Variants in MPPED1 observed in about 807,000 individuals in gnomAD.
MPPED1 encodes the protein metallophosphoesterase domain-containing protein 1.
MPPED1 carries 16 observed loss-of-function variants against 36.2 expected under a neutral mutation model. That is an observed-to-expected ratio of 0.44 (90% CI 0.30 to 0.67). The LOEUF (loss-of-function observed/expected upper bound fraction) is 0.67. Ranked by LOEUF, MPPED1 falls within the 30% of genes least tolerant of loss-of-function variation. MPPED1 has a pLI of 0.10. For missense variants in MPPED1, 307 were observed against 453.4 expected (o/e 0.68, Z 2.93); for synonymous variants, 199 against 191.3 (o/e 1.04, Z -0.33).
chr22:43,436,407 C>T (rs1234005198), intron 3 of MPPED1, among the ~76,000 whole-genome samples: 2 of 152,166 alleles, frequency 1.3e-5, no homozygotes, highest in East Asian at 1.9e-4. Flanking sequence ...GCAGGGCAGC[C>T]GCGGTGAGCC....
chr22:43,500,064 A>G (rs1351879600), intron 5 of MPPED1, among the ~76,000 whole-genome samples: 16 of 39,858 alleles, frequency 4.0e-4, no homozygotes, highest in East Asian at 1.8e-3. Context: ...GGTGGTGGTG[A>G]TGGTGATGGA....
chr22:43,499,515 TGGTGGTGGTGATGGA>T (rs1427630586), intron 5 of MPPED1, among the ~76,000 whole-genome samples: 5 of 122,210 alleles, frequency 4.1e-5, no homozygotes, highest in Admixed American at 2.5e-4. Flanking sequence ...ATGGAGGTGA[TGGTGGTGGTGATGGA>T]GGTGGTGGTG....
intron 3 of MPPED1, among the ~76,000 whole-genome samples, chr22:43,439,663 G>A (rs887560863): frequency 2.0e-5 from 3 of 152,184 alleles, no homozygotes; most frequent in South Asian, 4.1e-4. Context: ...GTATTCCCAC[G>A]CAGTGCTTTG....
intron 3 of MPPED1, among the ~76,000 whole-genome samples, chr22:43,461,684 A>C (rs1288543298): frequency 6.6e-6 from 1 of 152,232 alleles, no homozygotes; most frequent in Non-Finnish European, 1.5e-5. Flanking sequence ...AATGTATGAC[A>C]GCACTCTTTT....
chr22:43,489,351 G>A (rs1932013376), intron 4 of MPPED1, among the ~76,000 whole-genome samples: 1 of 152,032 alleles, frequency 6.6e-6, no homozygotes, highest in Admixed American at 6.5e-5. Flanking sequence ...GCCTCTAGGA[G>A]TGAGATCACC....
At chr22:43,499,258 A>T (rs1371564971) in intron 5 of MPPED1, among the ~76,000 whole-genome samples, 3 of 126,028 alleles carry the variant, frequency 2.4e-5, no homozygotes, top group African/African-American at 9.2e-5. Context: ...GTGGTGATGG[A>T]GGTGGTGGTG....
chr22:43,500,969 G>A (rs528009936), intron 5 of MPPED1, among the ~76,000 whole-genome samples: 70 of 152,134 alleles, frequency 4.6e-4, no homozygotes, highest in Admixed American at 5.2e-4. Flanking sequence ...GGGGTGAGGC[G>A]CAGGACAGCT....
chr22:43,445,736 AATTTTTGTATTTTTTT>A (rs1162284758), intron 3 of MPPED1, among the ~76,000 whole-genome samples: 1 of 146,794 alleles, frequency 6.8e-6, no homozygotes, highest in African/African-American at 2.5e-5. Context: ...ATGCCTGGCT[AATTTTTGTATTTTTTT>A]AGAGATGGGG....
At chr22:43,417,390 G>A (rs1929110414) in intron 1 of MPPED1, among the ~76,000 whole-genome samples, 1 of 150,952 alleles carries the variant, frequency 6.6e-6, no homozygotes, top group Admixed American at 6.6e-5. Context: ...GGTGGGACGA[G>A]GTCTGATTTT....
chr22:43,423,752 A>G (rs11090163), intron 1 of MPPED1, among the ~76,000 whole-genome samples: 33,487 of 152,120 alleles, frequency 0.22, 5,080 homozygotes, highest in East Asian at 0.62. Flanking sequence ...TCTTCATTTA[A>G]TGTGATTGCG....
rs536806668 is a variant in MPPED1 at position 43,433,406 on chromosome 22, G to C, written c.225-1628G>C. On this transcript the variant is annotated intron_variant, in intron 2 of 6. Transcript: ENST00000443721. ...TGCGCTGAGCTCAGGGCTGGCACAC[G>C]GTAGTCATTCAGGATGTATTGTATT... Among the ~76,000 whole-genome samples the C allele has an allele frequency of 1.1e-4, 16 of 150,780 alleles. No individual in the cohort carries two copies. The East Asian group carries it at 3.2e-3, about 30-fold the overall frequency.
chr22:43,459,221 C>T (rs977915359), intron 3 of MPPED1, among the ~76,000 whole-genome samples: 2 of 152,104 alleles, frequency 1.3e-5, no homozygotes, highest in Admixed American at 6.6e-5. Context: ...ACTATAGGTG[C>T]ACCGTGCACA....
intron 3 of MPPED1, among the ~76,000 whole-genome samples, chr22:43,457,362 C>A (rs569605479): frequency 7.2e-4 from 110 of 152,178 alleles, no homozygotes; most frequent in Non-Finnish European, 1.5e-3. Flanking sequence ...GTTTGTATAT[C>A]TTTTTCATTC....
At position 43,417,231 on chromosome 22, in the gene MPPED1, C is replaced by G. The variant is rs1216792722; in HGVS notation, c.-79+5073C>G. 3.3e-5 allele frequency among the ~76,000 whole-genome samples: 5 copies of G among 152,146 alleles called. No individual in the cohort carries two copies. The East Asian group carries it at 9.6e-4, about 29-fold the overall frequency. On this transcript the variant is annotated intron_variant, in intron 1 of 6. Transcript: ENST00000443721. ...TGCAAGGAATAGGGGCTAATTTTCA[C>G]TTTATTTGTGGATTCCTTCATCTAC...
intron 6 of MPPED1, among the ~76,000 whole-genome samples, chr22:43,504,493 ATGG>A (rs1932774007): frequency 6.7e-6 from 1 of 150,008 alleles, no homozygotes; most frequent in African/African-American, 2.5e-5. Context: ...GTGATGAATG[ATGG>A]TGGTGGTGGT....
intron 3 of MPPED1, among the ~76,000 whole-genome samples, chr22:43,442,761 C>T (rs1930194504): frequency 3.3e-5 from 5 of 152,212 alleles, no homozygotes; most frequent in South Asian, 2.1e-4. Flanking sequence ...CCTCATGGAG[C>T]GTCCACCTCA....
In MPPED1 at chr22:43,507,760, A is replaced by G. The variant is rs971996305; in HGVS notation, c.*2144A>G. On this transcript the variant is annotated 3_prime_UTR_variant, in exon 7 of 7. Coordinates refer to ENST00000443721, the MANE Select transcript of MPPED1 (RefSeq NM_001044370.2). ...TATGAAGATGACGGCGTGCTTCTCA[A>G]TCATTTTGGCATAACTTGATTGTGG... 1 of 151,896 alleles carries G rather than the reference A, an allele frequency of 6.6e-6. No individual in the cohort carries two copies. Among genetic ancestry groups the G allele is most frequent in the African/African-American group, 2.4e-5 (1 of 41,368 alleles). 9.4% of individuals were successfully genotyped at this position (151,896 alleles called of 1,614,324 possible).
At chr22:43,494,498 C>T (rs2146908767) in intron 4 of MPPED1, among the ~76,000 whole-genome samples, 1 of 152,296 alleles carries the variant, frequency 6.6e-6, no homozygotes, top group Admixed American at 6.5e-5. Context: ...GGTGTCCTTC[C>T]CTCTGCCAGT....
intron 4 of MPPED1, among the ~76,000 whole-genome samples, chr22:43,480,826 C>CTTTTTT (rs538718282): frequency 2.2e-5 from 3 of 137,894 alleles, no homozygotes; most frequent in African/African-American, 5.3e-5. Flanking sequence ...CTTTTCTTTT[C>CTTTTTT]TTTTTTTTTT....
Sources: allele counts gnomAD v4.1 joint callset (sites outside exome capture counted in the v4.1 genomes callset), GRCh38; gene constraint gnomAD v4.1.1; transcripts MANE v1.5; gene names NCBI Gene and HGNC (gene_info 2026-07-23, HGNC 2026-07-21).